The following PCCA variants were observed in gnomAD, a reference collection of about 807,000 sequenced individuals.
The protein encoded by PCCA is propionyl-CoA carboxylase alpha chain, mitochondrial.
A neutral mutation model predicts 101.3 loss-of-function variants in PCCA; 74 were observed. The ratio of observed to expected loss-of-function variants is 0.73; its 90% CI spans 0.61 to 0.89. PCCA has a LOEUF of 0.89. PCCA is among the 40% of genes least tolerant of loss of function. The pLI is 0.00. For missense variants in PCCA, 891 were observed against 907.0 expected (o/e 0.98, Z 0.23); for synonymous variants, 294 against 313.6 (o/e 0.94, Z 0.66).
intron 21 of PCCA, chr13:100,480,257 T>C (rs2083783424): frequency 6.6e-6 from 1 of 152,226 alleles, no homozygotes; most frequent in Admixed American, 6.5e-5. Flanking sequence ...TAATTTCTAC[T>C]CACCCACATT....
At position 100,307,673 on chromosome 13, in the gene PCCA, C is replaced by T. The variant is rs553086056; in HGVS notation, c.1353+413C>T. The stretch of plus-strand genomic sequence containing the variant: ...AGAGTACTTTTTGATCTTTTCTCTT[C>T]AGTTTTTACAAATTACCAATTATTT... On this transcript the variant is annotated intron_variant, in intron 15 of 23. Coordinates refer to ENST00000376285, the MANE Select transcript of PCCA (RefSeq NM_000282.4). Among the ~76,000 whole-genome samples the T allele has an allele frequency of 2.8e-3, 429 of 152,208 alleles. 4 individuals carry two copies. Among genetic ancestry groups the T allele is most frequent in the Non-Finnish European group, 4.9e-3 (335 of 68,018 alleles).
intron 9 of PCCA, 22 bp from the exon 10 acceptor site, chr13:100,262,707 T>G: frequency 1.4e-6 from 1 of 690,036 alleles, no homozygotes; most frequent in Non-Finnish European, 2.5e-6. Context: ...CCCCTCCTCC[T>G]TCTTCCTTCT....
At chr13:100,337,756 G>A (rs192514400) in intron 17 of PCCA, among the ~76,000 whole-genome samples, 1 of 152,288 alleles carries the variant, frequency 6.6e-6, no homozygotes, top group East Asian at 1.9e-4. Context: ...TGCAGTGAAT[G>A]GGTTCCCCTA....
At chr13:100,414,864 T>C (rs569581221) in intron 19 of PCCA, among the ~76,000 whole-genome samples, 1 of 152,292 alleles carries the variant, frequency 6.6e-6, no homozygotes, top group African/African-American at 2.4e-5. Context: ...AACATCTCCA[T>C]CTCTAAAACA....
chr13:100,515,871 T>C (rs1385098026), intron 22 of PCCA, among the ~76,000 whole-genome samples: 4 of 152,220 alleles, frequency 2.6e-5, no homozygotes, highest in Non-Finnish European at 5.9e-5. Context: ...TGCTGCTTAC[T>C]CTCTAGTATG....
intron 4 of PCCA, among the ~76,000 whole-genome samples, chr13:100,145,630 A>C (rs1468821651): frequency 6.6e-6 from 1 of 152,030 alleles, no homozygotes; most frequent in African/African-American, 2.4e-5. Flanking sequence ...TTGGAAGGCC[A>C]AGGCAGGCAG....
At chr13:100,187,215 T>C (rs1156769636) in intron 6 of PCCA, among the ~76,000 whole-genome samples, 1 of 152,190 alleles carries the variant, frequency 6.6e-6, no homozygotes, top group East Asian at 1.9e-4. Flanking sequence ...TACCTGTTGA[T>C]TATTAATTTT....
chr13:100,454,628 A>G (rs2081578701), intron 21 of PCCA, among the ~76,000 whole-genome samples: 1 of 152,218 alleles, frequency 6.6e-6, no homozygotes, highest in Non-Finnish European at 1.5e-5. Flanking sequence ...TGTCTTTGTG[A>G]GAATCCTTGT....
At chr13:100,462,156 TG>T (rs1358243849) in intron 21 of PCCA, among the ~76,000 whole-genome samples, 2 of 152,232 alleles carry the variant, frequency 1.3e-5, no homozygotes, top group Non-Finnish European at 2.9e-5. Flanking sequence ...TAAGATTTTA[TG>T]AAATGGAATA....
chr13:100,263,614 A>G (rs971898701), intron 10 of PCCA, among the ~76,000 whole-genome samples: 1 of 152,130 alleles, frequency 6.6e-6, no homozygotes, highest in Non-Finnish European at 1.5e-5. Context: ...CATCATTTCA[A>G]TCCTCAAATT....
At chr13:100,277,024 G>T (rs2063714674) in intron 12 of PCCA, among the ~76,000 whole-genome samples, 2 of 152,098 alleles carry the variant, frequency 1.3e-5, no homozygotes, top group South Asian at 4.1e-4. Flanking sequence ...TTCTTATAGA[G>T]ATTTTTCAAA....
At chr13:100,502,507 T>A (rs971767248) in intron 21 of PCCA, among the ~76,000 whole-genome samples, 1 of 152,232 alleles carries the variant, frequency 6.6e-6, no homozygotes, top group Non-Finnish European at 1.5e-5. Flanking sequence ...CTGTGTAGCA[T>A]TATTGAATTG....
At chr13:100,241,892 A>G (rs1207746976) in intron 8 of PCCA, among the ~76,000 whole-genome samples, 1 of 152,164 alleles carries the variant, frequency 6.6e-6, no homozygotes, top group Non-Finnish European at 1.5e-5. Flanking sequence ...TATTTTGGGT[A>G]TATTCTTCGA....
chr13:100,392,284 A>G (rs1196255478), intron 19 of PCCA, among the ~76,000 whole-genome samples: 2 of 151,938 alleles, frequency 1.3e-5, no homozygotes, highest in African/African-American at 2.4e-5. Flanking sequence ...GGTCATGGAA[A>G]CTCTTTAATA....
chr13:100,317,506 G>C (rs2067496686), intron 16 of PCCA, among the ~76,000 whole-genome samples: 1 of 152,122 alleles, frequency 6.6e-6, no homozygotes, highest in Non-Finnish European at 1.5e-5. Context: ...CTCTCAACCT[G>C]TTTCTTCTCT....
intron 6 of PCCA, among the ~76,000 whole-genome samples, chr13:100,175,886 A>G (rs956693550): frequency 2.6e-5 from 4 of 152,132 alleles, no homozygotes; most frequent in African/African-American, 9.7e-5. Flanking sequence ...CATCTTCTCC[A>G]AATTCTTTTT....
chr13:100,387,643 A>T (rs1190009389), intron 19 of PCCA, among the ~76,000 whole-genome samples: 2 of 152,242 alleles, frequency 1.3e-5, no homozygotes, highest in Non-Finnish European at 1.5e-5. Context: ...ACAAGGTTGT[A>T]GAGAAATCAA....
At chr13:100,243,895 C>T (rs917073155) in intron 8 of PCCA, among the ~76,000 whole-genome samples, 1 of 152,110 alleles carries the variant, frequency 6.6e-6, no homozygotes, top group Non-Finnish European at 1.5e-5. Context: ...TAAAAAGTTA[C>T]TTTTGTTGCT....
intron 7 of PCCA, among the ~76,000 whole-genome samples, chr13:100,210,465 C>T (rs1385232410): frequency 6.6e-6 from 1 of 152,164 alleles, no homozygotes; most frequent in Non-Finnish European, 1.5e-5. Context: ...AAGAGTTTCT[C>T]TGTATATCTT....
Sources: allele counts gnomAD v4.1 joint callset (sites outside exome capture counted in the v4.1 genomes callset), GRCh38; gene constraint gnomAD v4.1.1; transcripts MANE v1.5; gene names NCBI Gene and HGNC (gene_info 2026-07-23, HGNC 2026-07-21).